The following NF2 variants were observed in gnomAD, a reference collection of about 807,000 sequenced individuals.
NF2 encodes the protein NF2, moesin-ezrin-radixin like (MERLIN) tumor suppressor, also known as merlin.
Under a neutral mutation model 83.7 loss-of-function variants are expected in NF2, and 8 were observed. The observed-to-expected ratio is 0.10, with a 90% CI of 0.06 to 0.17. The LOEUF is 0.17. Ranked by LOEUF, NF2 falls within the 10% of genes least tolerant of loss-of-function variation. NF2 has a pLI of 1.00. For missense variants in NF2, 533 were observed against 744.4 expected, an observed-to-expected ratio of 0.72 and a Z score of 3.31; for synonymous variants, 266 against 269.6, an observed-to-expected ratio of 0.99 and a Z score of 0.13.
chr22:29,604,993 C>G lies in NF2; in HGVS notation c.114+881C>G, dbSNP rs138317768. Among the ~76,000 whole-genome samples the G allele has an allele frequency of 4.2e-3, 645 of 152,086 alleles. 11 individuals are homozygous for G. The Middle Eastern group carries it at 0.044, about 10-fold the overall frequency. ...GTGAAAATTCTTTTTTGTTTTGTTT[C>G]GTTTTGAGACAGAATCTCACTCTGT... is the stretch of plus-strand genomic sequence containing the variant. On this transcript the variant is annotated intron_variant, in intron 1 of 15. Transcript: ENST00000338641.
intron 7 of NF2, 124 bp from the exon 8 acceptor site, chr22:29,661,081 G>T: frequency 7.2e-7 from 1 of 1,380,308 alleles, no homozygotes; most frequent in East Asian, 2.3e-5. Flanking sequence ...AGACAGCTGT[G>T]ACTTCTGTTG....
intron 1 of NF2, among the ~76,000 whole-genome samples, chr22:29,633,590 G>A (rs186271282): frequency 2.0e-5 from 3 of 152,300 alleles, no homozygotes; most frequent in Non-Finnish European, 4.4e-5. Flanking sequence ...TGGAGCCTAT[G>A]ACTCGTCTGC....
chr22:29,610,364 G>T (rs565625816), intron 1 of NF2, among the ~76,000 whole-genome samples: 2 of 151,898 alleles, frequency 1.3e-5, no homozygotes, highest in African/African-American at 2.4e-5. Context: ...AAGAAAAGAG[G>T]CTGGGTGCAG....
At chr22:29,644,216 G>T (rs2065909200) in intron 4 of NF2, among the ~76,000 whole-genome samples, 1 of 149,308 alleles carries the variant, frequency 6.7e-6, no homozygotes, top group South Asian at 2.1e-4. Flanking sequence ...GGGCGGCCGG[G>T]CAGAGATGCT....
intron 2 of NF2, among the ~76,000 whole-genome samples, 181 bp downstream of exon 2, chr22:29,637,057 G>A (rs2065669642): frequency 6.6e-6 from 1 of 152,190 alleles, no homozygotes; most frequent in Non-Finnish European, 1.5e-5. Flanking sequence ...TCTCCTCACA[G>A]GCTCTCCTGG....
At position 29,695,519 on chromosome 22, in the gene NF2, C is replaced by T. The variant is rs2067526459; in HGVS notation, c.*717C>T. On this transcript the variant is annotated 3_prime_UTR_variant, in exon 16 of 16. Transcript: ENST00000338641. The surrounding 1 kb of genome is among the most constrained non-coding windows in gnomAD (Gnocchi z 5.4). ...GTGCGGGAGCTGATGGTACAGGGCA[C>T]TCGCTGTCCCCCTCCGGCCACCCTA... The T allele has an allele frequency of 4.2e-6, 1 of 238,024 alleles. No individual in the cohort carries two copies. The highest frequency in any genetic ancestry group is 2.2e-5 in the African/African-American group (1 of 45,384). The allele number at this position is 238,024 out of a possible 1,614,324, so 14.7% of individuals were successfully genotyped here. A position where few individuals can be genotyped will look rare whatever the true frequency, so the allele number is the denominator to read the frequency against.
chr22:29,683,305 T>C lies in NF2; in HGVS notation c.1737+1704T>C. 4 of 1,431,024 alleles carry C rather than the reference T, an allele frequency of 2.8e-6. No homozygotes were observed. In the South Asian group the frequency reaches 5.9e-5, roughly 21 times the overall value. 88.6% of individuals were successfully genotyped at this position (1,431,024 alleles called of 1,614,324 possible). On this transcript the variant is annotated intron_variant, in intron 15 of 15. Transcript: ENST00000338641. ...TTCCGAAGAGCATGTCATGGGGCTG[T>C]AGGACCAGCCATTCTTCCCATCTCG...
intron 8 of NF2, 71 bp downstream of exon 8, chr22:29,661,410 C>A (rs1483754727): frequency 3.1e-6 from 5 of 1,594,544 alleles, no homozygotes; most frequent in South Asian, 1.1e-5. Context: ...TGGAGCCTCC[C>A]CAGCCAGGGC....
chr22:29,665,463 C>G (rs990359643), intron 9 of NF2, among the ~76,000 whole-genome samples: 2 of 152,078 alleles, frequency 1.3e-5, no homozygotes, highest in Non-Finnish European at 2.9e-5. Flanking sequence ...AGGCTGGTCT[C>G]GAACTCCTGA....
At chr22:29,653,635 T>C (rs907521705) in intron 4 of NF2, among the ~76,000 whole-genome samples, 2 of 152,172 alleles carry the variant, frequency 1.3e-5, no homozygotes, top group African/African-American at 4.8e-5. Context: ...CTTTCACTCC[T>C]GTGTCTGTAG....
intron 13 of NF2, among the ~76,000 whole-genome samples, chr22:29,677,544 C>T (rs987864733): frequency 6.6e-6 from 1 of 151,748 alleles, no homozygotes; most frequent in East Asian, 1.9e-4. Flanking sequence ...GGCCCTACTC[C>T]GGTTCCATTG....
chr22:29,639,470 C>G (rs2065741284), intron 3 of NF2, among the ~76,000 whole-genome samples: 1 of 152,138 alleles, frequency 6.6e-6, no homozygotes, highest in Non-Finnish European at 1.5e-5. Flanking sequence ...TTAAAACCTC[C>G]TTGAAAATGG....
intron 10 of NF2, among the ~76,000 whole-genome samples, 159 bp from the exon 11 acceptor site, chr22:29,671,667 C>T (rs1438150909): frequency 6.6e-6 from 1 of 151,716 alleles, no homozygotes; most frequent in Non-Finnish European, 1.5e-5. Flanking sequence ...TTTAGAAGGA[C>T]GGGGTGGGGG....
intron 1 of NF2, among the ~76,000 whole-genome samples, chr22:29,613,615 T>C (rs1244191662): frequency 6.6e-6 from 1 of 151,914 alleles, no homozygotes; most frequent in Non-Finnish European, 1.5e-5. Context: ...AGTCCAGAAA[T>C]AAACCCAGTG....
At chr22:29,693,138 T>A (rs996199002) in intron 15 of NF2, among the ~76,000 whole-genome samples, 1 of 152,166 alleles carries the variant, frequency 6.6e-6, no homozygotes, top group South Asian at 2.1e-4. Flanking sequence ...CCTCCTTTCT[T>A]CCCCAGTGAC....
intron 1 of NF2, among the ~76,000 whole-genome samples, chr22:29,616,422 A>C (rs1291096087): frequency 1.3e-5 from 2 of 152,266 alleles, no homozygotes; most frequent in African/African-American, 4.8e-5. Context: ...TTTGAATTTC[A>C]CATAATTTTC....
intron 6 of NF2, among the ~76,000 whole-genome samples, chr22:29,655,949 T>C (rs2066293292): frequency 6.6e-6 from 1 of 151,974 alleles, no homozygotes; most frequent in Non-Finnish European, 1.5e-5. Flanking sequence ...AGATTTTTTT[T>C]TTTTTTTGAG....
chr22:29,620,804 C>T (rs925887893), intron 1 of NF2, among the ~76,000 whole-genome samples: 1 of 152,044 alleles, frequency 6.6e-6, no homozygotes, highest in Non-Finnish European at 1.5e-5. Flanking sequence ...AAGGGATCCT[C>T]CTGCCTCAGC....
Position 29,668,190 on chromosome 22 carries a change from G to C in NF2, c.886-143G>C. 4 of 669,668 alleles carry C rather than the reference G, an allele frequency of 6.0e-6. No individual in the cohort carries two copies. In the South Asian group the frequency reaches 6.0e-5, roughly 10 times the overall value. 41.5% of individuals were successfully genotyped at this position (669,668 alleles called of 1,614,324 possible). A position where few individuals can be genotyped will look rare whatever the true frequency, so the allele number is the denominator to read the frequency against. On this transcript the variant is annotated intron_variant, in intron 9 of 15. Coordinates refer to ENST00000338641, the MANE Select transcript of NF2 (RefSeq NM_000268.4). ...CTGACGGCACTAGAGGCCACTAGTA[G>C]GGCTTTGGTGTTTCACTCTATGCAT...
Sources: allele counts gnomAD v4.1 joint callset (sites outside exome capture counted in the v4.1 genomes callset), GRCh38; gene constraint gnomAD v4.1.1; non-coding constraint Gnocchi (gnomAD v3.1); transcripts MANE v1.5; gene names NCBI Gene and HGNC (gene_info 2026-07-23, HGNC 2026-07-21).